IYD: variants seen among roughly 807,000 people sequenced by gnomAD.
IYD encodes iodotyrosine deiodinase, also known as iodotyrosine deiodinase 1.
IYD carries 25 observed loss-of-function variants against 28.4 expected under a neutral mutation model. That is an observed-to-expected ratio of 0.88 (90% CI 0.64 to 1.23). The LOEUF is 1.23. Ranked by LOEUF, IYD falls within the 50% of genes most tolerant of loss-of-function variation. The pLI, the probability that IYD is intolerant of heterozygous loss-of-function variation, is 0.00. For synonymous variants in IYD, 140 were observed against 130.8 expected, an observed-to-expected ratio of 1.07 and a Z score of -0.48; for missense variants, 352 against 357.9, an observed-to-expected ratio of 0.98 and a Z score of 0.13.
intron 4 of IYD, chr6:150,396,806 G>A (rs191936003): frequency 0.01 from 1,850 of 176,438 alleles, 40 homozygotes; most frequent in African/African-American, 0.041. Flanking sequence ...CCTGGGAGGC[G>A]GAGCTTGCAG....
rs1015655254 is a variant in IYD, at chr6:150,404,857, T to G, written c.*6620T>G. 11 of 152,138 alleles carry G rather than the reference T, an allele frequency of 7.2e-5. No homozygotes were observed. 9.4% of individuals were successfully genotyped at this position (152,138 alleles called of 1,614,324 possible). A position where few individuals can be genotyped will look rare whatever the true frequency, so the allele number is the denominator to read the frequency against. ...ATTATTTTTCCCTCCTAGTGAGAAG[T>G]CTGGAGGTAGATATTAGATGCTGGT... On this transcript the variant is annotated 3_prime_UTR_variant, in exon 5 of 5. Transcript: ENST00000344419.
rs1290447183 is a variant in IYD at position 150,405,918 on chromosome 6, AC to A, written c.*7682del. On this transcript the variant is annotated 3_prime_UTR_variant, in exon 5 of 5. Coordinates refer to ENST00000344419, the MANE Select transcript of IYD (RefSeq NM_203395.3). ...AGGGGAACAAGGAGAAGCAGTGTGA[AC>A]AGGAAAAGCATGCTGCCTGCTGCTG... 3.3e-5 allele frequency: 5 copies of A among 152,212 alleles called. No individual in the cohort carries two copies. Among genetic ancestry groups the A allele is most frequent in the Admixed American group, 3.3e-4 (5 of 15,288 alleles). The allele number at this position is 152,212 out of a possible 1,614,324, so 9.4% of individuals were successfully genotyped here.
chr6:150,399,801 A>G lies in IYD; in HGVS notation c.*1564A>G, dbSNP rs1778452199. The G allele has an allele frequency of 6.6e-6, 1 of 152,236 alleles. No individual in the cohort carries two copies. Among genetic ancestry groups the G allele is most frequent in the African/African-American group, 2.4e-5 (1 of 41,446 alleles). 9.4% of individuals were successfully genotyped at this position (152,236 alleles called of 1,614,324 possible). On this transcript the variant is annotated 3_prime_UTR_variant, in exon 5 of 5. Transcript: ENST00000344419. ...GTGTCCTCGTGGTAGAAAGAGGGTT[A>G]GAGCCTCTGGCATGCCTTTTATAAG...
chr6:150,395,461 A>T, intron 4 of IYD: 1 of 1,537,242 alleles, frequency 6.5e-7, no homozygotes, highest in East Asian at 2.4e-5. Flanking sequence ...GCAGGTAAAT[A>T]ATGGAATCAC....
intron 1 of IYD, among the ~76,000 whole-genome samples, chr6:150,375,217 C>T (rs992952303): frequency 6.6e-6 from 1 of 152,162 alleles, no homozygotes; most frequent in Non-Finnish European, 1.5e-5. Flanking sequence ...AATGAAGGGA[C>T]AGGAGGAAAC....
intron 2 of IYD, 56 bp from the exon 3 acceptor site, chr6:150,392,289 G>A (rs983323959): frequency 1.9e-6 from 3 of 1,609,646 alleles, no homozygotes; most frequent in Non-Finnish European, 2.5e-6. Context: ...TCCTTAATTA[G>A]CAGTCTCACA....
chr6:150,378,060 G>C (rs1238012010), intron 1 of IYD, among the ~76,000 whole-genome samples: 1 of 152,156 alleles, frequency 6.6e-6, no homozygotes, highest in Admixed American at 6.5e-5. Flanking sequence ...GCCTGCTAAC[G>C]TTGTTATTGG....
intron 1 of IYD, among the ~76,000 whole-genome samples, chr6:150,385,488 G>A (rs1777826360): frequency 1.2e-5 from 1 of 81,048 alleles, no homozygotes; most frequent in Non-Finnish European, 3.0e-5. Context: ...GCTTTTTAAT[G>A]TGATAAAAAA....
chr6:150,371,618 T>C (rs1777244726), intron 1 of IYD, among the ~76,000 whole-genome samples: 1 of 152,188 alleles, frequency 6.6e-6, no homozygotes, highest in Admixed American at 6.5e-5. Context: ...GCCTGATCAC[T>C]TACTTTTGCA....
chr6:150,395,315 G>A (rs754530022), intron 4 of IYD: 6 of 941,920 alleles, frequency 6.4e-6, no homozygotes, highest in Non-Finnish European at 9.4e-6. Flanking sequence ...AAAAAAAAGA[G>A]AGCTTCTTCA....
intron 1 of IYD, among the ~76,000 whole-genome samples, chr6:150,381,305 CCTA>C (rs1300563953): frequency 6.6e-6 from 1 of 152,164 alleles, no homozygotes; most frequent in African/African-American, 2.4e-5. Context: ...CTAGACTTTA[CCTA>C]CTTTTGCTGA....
chr6:150,389,493 G>A lies in IYD; in HGVS notation c.320G>A (p.Ser107Asn). 6.2e-7 allele frequency: 1 copy of A among 1,614,068 alleles called. No homozygotes were observed. The highest frequency in any genetic ancestry group is 1.1e-5 in the South Asian group (1 of 91,078). The change falls in exon 2 of 5, where the codon AGT (serine) becomes AAT (asparagine). Residue 107 changes from serine (S) to asparagine (N), a missense_variant. Physicochemically the swap from Ser to Asn is conservative, Grantham distance 46. Transcript: ENST00000344419. ...AAGAGACGGTCAGTCAGGTTCATAA[G>A]TAATGAGCAAGTCCCAATGGAAGTC... ...LNKRRSVRFI[S>N]NEQVPMEVID...
chr6:150,395,548 A>G (rs746288487), intron 4 of IYD: 3 of 1,537,322 alleles, frequency 2.0e-6, no homozygotes, highest in Middle Eastern at 3.3e-4. Context: ...CAGCAAGCTC[A>G]GCTCACAAGG....
chr6:150,371,066 T>C (rs1167143213), intron 1 of IYD, among the ~76,000 whole-genome samples: 1 of 151,950 alleles, frequency 6.6e-6, no homozygotes, highest in Non-Finnish European at 1.5e-5. Flanking sequence ...AGGCTGAGGA[T>C]AGAACTTGAG....
Position 150,369,898 on chromosome 6 carries a change from G to A in IYD, c.178+689G>A, listed in dbSNP as rs976230362. The A allele has an allele frequency of 1.2e-5, 8 of 695,138 alleles. No homozygotes were observed. In the Admixed American group the frequency reaches 1.2e-4, roughly 10 times the overall value. 43.1% of individuals were successfully genotyped at this position (695,138 alleles called of 1,614,324 possible). A position where few individuals can be genotyped will look rare whatever the true frequency, so the allele number is the denominator to read the frequency against. On this transcript the variant is annotated intron_variant, in intron 1 of 4. Transcript: ENST00000344419. ...GAAGCACCTGGAGGCCTGGGGCAGG[G>A]GTAAGAGAGGAAGTGGAGAATTGAG...
intron 1 of IYD, among the ~76,000 whole-genome samples, chr6:150,386,072 T>G (rs1777852501): frequency 1.3e-5 from 2 of 151,992 alleles, no homozygotes; most frequent in Admixed American, 1.3e-4. Context: ...CTAGCTTTGG[T>G]TTTGATGTTT....
chr6:150,395,210 G>A (rs1250267505), intron 4 of IYD, among the ~76,000 whole-genome samples: 4 of 152,054 alleles, frequency 2.6e-5, no homozygotes, highest in Non-Finnish European at 1.5e-5. Context: ...TGGGGGCTGG[G>A]TAGTGGATAG....
At chr6:150,371,836 C>T (rs1300008133) in intron 1 of IYD, among the ~76,000 whole-genome samples, 1 of 152,200 alleles carries the variant, frequency 6.6e-6, no homozygotes, top group Non-Finnish European at 1.5e-5. Flanking sequence ...ATTTACTCCA[C>T]ATCTCTTATG....
intron 3 of IYD, 51 bp from the exon 4 acceptor site, chr6:150,394,048 A>G (rs755603678): frequency 6.4e-7 from 1 of 1,574,074 alleles, no homozygotes; most frequent in South Asian, 1.1e-5. Context: ...GTAGTAAAAG[A>G]GAACAAAAAA....
Sources: allele counts gnomAD v4.1 joint callset (sites outside exome capture counted in the v4.1 genomes callset), GRCh38; gene constraint gnomAD v4.1.1; transcripts MANE v1.5; gene names NCBI Gene and HGNC (gene_info 2026-07-23, HGNC 2026-07-21).